PRKCQ: variants seen among roughly 807,000 people sequenced by gnomAD.
PRKCQ encodes protein kinase C theta, also known as protein kinase C theta type.
PRKCQ carries 41 observed loss-of-function variants against 91.2 expected under a neutral mutation model. That is an observed-to-expected ratio of 0.45 (90% CI 0.35 to 0.58). PRKCQ has a LOEUF of 0.58. Ranked by LOEUF, PRKCQ falls within the 20% of genes least tolerant of loss-of-function variation. PRKCQ has a pLI of 0.00. For synonymous variants in PRKCQ, 307 were observed against 316.9 expected (o/e 0.97, Z 0.33); for missense variants, 673 against 896.5 (o/e 0.75, Z 3.18).
chr10:6,416,554 T>C, the PRKCQ span, among the ~76,000 whole-genome samples: 1 of 152,216 alleles, frequency 6.6e-6, no homozygotes, highest in African/African-American at 2.4e-5. Context: ...CATTCCTTTT[T>C]ATGGCTGAGT....
intron 1 of PRKCQ, among the ~76,000 whole-genome samples, chr10:6,560,017 G>A (rs991262066): frequency 1.3e-5 from 2 of 152,178 alleles, no homozygotes; most frequent in Admixed American, 1.3e-4. Flanking sequence ...TAGGCTTGAC[G>A]AGGGTCAGTA....
At chr10:6,550,947 G>T (rs1453165090) in intron 1 of PRKCQ, among the ~76,000 whole-genome samples, 1 of 152,108 alleles carries the variant, frequency 6.6e-6, no homozygotes, top group African/African-American at 2.4e-5. Context: ...CTTCTCTAAT[G>T]GGATTATAAT....
intron 4 of PRKCQ, among the ~76,000 whole-genome samples, chr10:6,503,293 T>C (rs1838017047): frequency 6.6e-6 from 1 of 152,058 alleles, no homozygotes; most frequent in Non-Finnish European, 1.5e-5. Flanking sequence ...TGAGTGTGAG[T>C]CCCTGGAGGT....
rs1405373060 is a variant in PRKCQ at position 6,464,422 on chromosome 10, A to G, written c.1354-18T>C. The G allele has an allele frequency of 1.9e-6, 3 of 1,543,866 alleles. No individual in the cohort carries two copies. The highest frequency in any genetic ancestry group is 2.7e-6 in the Non-Finnish European group (3 of 1,127,522). On this transcript the variant is annotated intron_variant, in intron 12 of 17. Transcript: ENST00000263125. Reference sequence around the variant, plus strand: ...AGGTTTTCCTGTGGAAAAACAAAACAATTCCAACTTTTATTTCATTTCATT... The same window carrying G: ...AGGTTTTCCTGTGGAAAAACAAAACGATTCCAACTTTTATTTCATTTCATT...
At chr10:6,458,317 G>T (rs1457226889) in intron 14 of PRKCQ, among the ~76,000 whole-genome samples, 2 of 152,172 alleles carry the variant, frequency 1.3e-5, no homozygotes, top group East Asian at 1.9e-4. Flanking sequence ...TGAGGAAGGA[G>T]TGCCAAGGAA....
At chr10:6,528,433 T>C (rs974759226) in intron 1 of PRKCQ, among the ~76,000 whole-genome samples, 4 of 151,874 alleles carry the variant, frequency 2.6e-5, no homozygotes, top group African/African-American at 9.7e-5. Context: ...TTGGCAGGGG[T>C]GAGAGGGTCC....
chr10:6,461,276 T>TCATC (rs1388663849), intron 14 of PRKCQ, among the ~76,000 whole-genome samples: 1 of 151,782 alleles, frequency 6.6e-6, no homozygotes, highest in Non-Finnish European at 1.5e-5. Context: ...CACTCATCCA[T>TCATC]CATCCATCCA....
intron 8 of PRKCQ, among the ~76,000 whole-genome samples, chr10:6,487,293 C>A (rs115521119): frequency 6.6e-6 from 1 of 152,080 alleles, no homozygotes; most frequent in Non-Finnish European, 1.5e-5. Flanking sequence ...AAAGGTAACT[C>A]GAAGAAAAAG....
chr10:6,413,300 CTTACT>C, the PRKCQ span, among the ~76,000 whole-genome samples: 1 of 129,926 alleles, frequency 7.7e-6, no homozygotes, highest in Non-Finnish European at 1.7e-5. Context: ...AAAAGTTAGG[CTTACT>C]TTAAACAGCA....
intron 5 of PRKCQ, 47 bp downstream of exon 5, chr10:6,498,349 C>G (rs376884896): frequency 6.2e-7 from 1 of 1,600,098 alleles, no homozygotes; most frequent in South Asian, 1.1e-5. Flanking sequence ...GAAGACGCAA[C>G]AAAATGCATA....
At chr10:6,421,844 C>T in the PRKCQ span, among the ~76,000 whole-genome samples, 107 of 152,274 alleles carry the variant, frequency 7.0e-4, no homozygotes, top group Admixed American at 3.3e-3. This position sits in a 1 kb window ranked among gnomAD's most constrained non-coding sequence, Gnocchi z 4.1. Context: ...CTCATCTAAC[C>T]GTGCTGAACT....
At chr10:6,527,802 C>T (rs920293489) in intron 1 of PRKCQ, among the ~76,000 whole-genome samples, 2 of 152,166 alleles carry the variant, frequency 1.3e-5, no homozygotes, top group Non-Finnish European at 2.9e-5. Context: ...CCCCTAAATC[C>T]TTCAGGATCC....
chr10:6,490,916 T>C, intron 8 of PRKCQ, among the ~76,000 whole-genome samples: 1 of 151,822 alleles, frequency 6.6e-6, no homozygotes, highest in Admixed American at 6.6e-5. Context: ...TCCCTAGTCC[T>C]TAATCCTAGT....
chr10:6,548,025 C>G (rs1840030608), intron 1 of PRKCQ, among the ~76,000 whole-genome samples: 1 of 151,760 alleles, frequency 6.6e-6, no homozygotes, highest in African/African-American at 2.4e-5. Context: ...TGAACTCAAA[C>G]AAATTTACAA....
chr10:6,443,678 G>A (rs954189417), intron 15 of PRKCQ, among the ~76,000 whole-genome samples: 23 of 152,164 alleles, frequency 1.5e-4, no homozygotes, highest in Non-Finnish European at 2.1e-4. Context: ...TAGGGAAGGC[G>A]TTGAAGAAAA....
At chr10:6,538,270 A>G (rs1304539503) in intron 1 of PRKCQ, among the ~76,000 whole-genome samples, 1 of 152,372 alleles carries the variant, frequency 6.6e-6, no homozygotes, top group Non-Finnish European at 1.5e-5. Flanking sequence ...CGGCATTGTC[A>G]GAAGACGGGT....
chr10:6,577,053 T>G (rs1841265918), intron 1 of PRKCQ, among the ~76,000 whole-genome samples: 1 of 152,218 alleles, frequency 6.6e-6, no homozygotes, highest in South Asian at 2.1e-4. Context: ...ATGCTGATTA[T>G]TATTATTATA....
chr10:6,428,878 C>T (rs77567992), intron 17 of PRKCQ, among the ~76,000 whole-genome samples: 2 of 152,160 alleles, frequency 1.3e-5, no homozygotes, highest in Non-Finnish European at 2.9e-5. Flanking sequence ...TAGTAAGTAT[C>T]TTGGGCTTTT....
chr10:6,550,312 C>T (rs910677281), intron 1 of PRKCQ, among the ~76,000 whole-genome samples: 16 of 152,048 alleles, frequency 1.1e-4, no homozygotes, highest in African/African-American at 3.6e-4. Flanking sequence ...CTCACTCTGC[C>T]GCCCAGCCTG....
Sources: allele counts gnomAD v4.1 joint callset (sites outside exome capture counted in the v4.1 genomes callset), GRCh38; gene constraint gnomAD v4.1.1; non-coding constraint Gnocchi (gnomAD v3.1); transcripts MANE v1.5; gene names NCBI Gene and HGNC (gene_info 2026-07-23, HGNC 2026-07-21).